The following BRD10 variants were observed in gnomAD, a reference collection of about 807,000 sequenced individuals.
BRD10 encodes the protein bromodomain containing 10, also known as uncharacterized bromodomain-containing protein 10.
the BRD10 span, chr9:5,921,598 A>G: frequency 6.2e-7 from 1 of 1,613,956 alleles, no homozygotes; most frequent in Admixed American, 1.7e-5. Context: ...CTGGAGTCCC[A>G]CTGATTACAT....
chr9:6,007,048 G>A, the BRD10 span: 1 of 793,960 alleles, frequency 1.3e-6, no homozygotes, highest in East Asian at 2.7e-5. Context: ...TCCCCGCCCA[G>A]CGCCGCTCCT....
the BRD10 span, among the ~76,000 whole-genome samples, chr9:5,880,703 CTTT>C: frequency 7.2e-6 from 1 of 138,764 alleles, no homozygotes; most frequent in East Asian, 2.1e-4. Flanking sequence ...TCCAACATTA[CTTT>C]TTTTTTTTTT....
the BRD10 span, among the ~76,000 whole-genome samples, chr9:5,974,017 G>A: frequency 6.6e-6 from 1 of 152,126 alleles, no homozygotes; most frequent in African/African-American, 2.4e-5. Flanking sequence ...CAGAACTAAT[G>A]GGCACAAATC....
the BRD10 span, among the ~76,000 whole-genome samples, chr9:5,929,351 G>C: frequency 2.0e-5 from 3 of 152,080 alleles, no homozygotes; most frequent in Non-Finnish European, 2.9e-5. Context: ...AATTCTACCA[G>C]AGAAATCTGA....
At chr9:5,938,837 G>A in the BRD10 span, among the ~76,000 whole-genome samples, 2 of 152,138 alleles carry the variant, frequency 1.3e-5, no homozygotes, top group African/African-American at 4.8e-5. Context: ...TACACATGAT[G>A]TGACTGTTAA....
At chr9:5,938,813 T>C in the BRD10 span, among the ~76,000 whole-genome samples, 1 of 152,222 alleles carries the variant, frequency 6.6e-6, no homozygotes, top group Non-Finnish European at 1.5e-5. Flanking sequence ...AGATCTAGAA[T>C]AAAAAATATA....
chr9:5,944,690 TTCTG>T, the BRD10 span, among the ~76,000 whole-genome samples: 33 of 152,180 alleles, frequency 2.2e-4, 1 homozygote, highest in Middle Eastern at 0.014. Context: ...CTGGCACGAT[TTCTG>T]TCTATTAAAA....
chr9:5,922,651 T>C, the BRD10 span: 1 of 1,613,994 alleles, frequency 6.2e-7, no homozygotes, highest in African/African-American at 1.3e-5. Flanking sequence ...CTTTTCCTTC[T>C]TTATGCTGAA....
the BRD10 span, chr9:5,906,737 G>A: frequency 9.7e-6 from 5 of 515,324 alleles, 1 homozygote; most frequent in East Asian, 1.4e-4. Flanking sequence ...GAATTCAGAA[G>A]GTAAAGTGAT....
chr9:5,979,590 T>G, the BRD10 span, among the ~76,000 whole-genome samples: 5,149 of 152,212 alleles, frequency 0.034, 290 homozygotes, highest in African/African-American at 0.12. Flanking sequence ...TGAACAGATC[T>G]AGTATTTTTA....
the BRD10 span, chr9:5,933,731 G>A: frequency 1.7e-5 from 8 of 469,430 alleles, no homozygotes; most frequent in South Asian, 1.2e-4. Flanking sequence ...TATGTGAAAT[G>A]AGTCGGGAGG....
At chr9:5,918,642 C>CT in the BRD10 span, among the ~76,000 whole-genome samples, 60,943 of 133,922 alleles carry the variant, frequency 0.46, 14,196 homozygotes, top group Non-Finnish European at 0.53. Flanking sequence ...CCGTTAGTGG[C>CT]TTTTTTTTTT....
At chr9:5,931,012 C>A in the BRD10 span, among the ~76,000 whole-genome samples, 1 of 152,116 alleles carries the variant, frequency 6.6e-6, no homozygotes, top group African/African-American at 2.4e-5. Flanking sequence ...TAAATCTTTC[C>A]TAAGTTAAAG....
At chr9:5,919,799 G>C in the BRD10 span, 1 of 1,613,848 alleles carries the variant, frequency 6.2e-7, no homozygotes, top group South Asian at 1.1e-5. Context: ...AGAGAGTGAA[G>C]AAACCTTAGA....
At chr9:6,004,798 C>G in the BRD10 span, among the ~76,000 whole-genome samples, 1 of 152,162 alleles carries the variant, frequency 6.6e-6, no homozygotes, top group Non-Finnish European at 1.5e-5. Flanking sequence ...GCATTTCAAA[C>G]AGTTGTGACC....
the BRD10 span, among the ~76,000 whole-genome samples, chr9:6,005,329 G>A: frequency 6.6e-6 from 1 of 151,414 alleles, no homozygotes; most frequent in South Asian, 2.1e-4. Flanking sequence ...TGGCCAACAT[G>A]GCGAAACCCC....
chr9:5,921,596 C>T, the BRD10 span: 5 of 1,613,874 alleles, frequency 3.1e-6, no homozygotes, highest in East Asian at 6.7e-5. Context: ...AACTGGAGTC[C>T]CACTGATTAC....
chr9:5,910,060 T>C, the BRD10 span: 1 of 152,244 alleles, frequency 6.6e-6, no homozygotes, highest in African/African-American at 2.4e-5. Flanking sequence ...AAAATACTAA[T>C]GGTCACAGAA....
the BRD10 span, chr9:6,007,694 C>A: frequency 8.7e-6 from 14 of 1,609,910 alleles, no homozygotes; most frequent in Non-Finnish European, 1.2e-5. Flanking sequence ...GCCGCTGCCA[C>A]CTCCTCCTCG....
Sources: gnomAD v4.1 joint callset for allele counts (sites outside exome capture counted in the v4.1 genomes callset) on GRCh38, gnomAD v4.1.1 for gene constraint, MANE v1.5 for transcripts, NCBI Gene and HGNC (gene_info 2026-07-23, HGNC 2026-07-21) for gene names.